Variants in PACSIN2 observed in about 807,000 individuals in gnomAD.
PACSIN2 encodes protein kinase C and casein kinase substrate in neurons protein 2.
In PACSIN2, 25 loss-of-function variants were observed where a neutral mutation model predicts 63.8. The observed-to-expected ratio is 0.39, with a 90% CI of 0.29 to 0.55. The LOEUF is 0.55. PACSIN2 is among the 20% of genes least tolerant of loss of function. The pLI, the probability that PACSIN2 is intolerant of heterozygous loss-of-function variation, is 0.62. For synonymous variants in PACSIN2, 255 were observed against 256.2 expected (o/e 1.00, Z 0.05); for missense variants, 518 against 646.9 (o/e 0.80, Z 2.16).
At chr22:42,982,885 AAAAAACAAC>A (rs936601175) in intron 1 of PACSIN2, among the ~76,000 whole-genome samples, 5 of 133,238 alleles carry the variant, frequency 3.8e-5, no homozygotes, top group East Asian at 4.5e-4. Context: ...AAAAAAAAAA[AAAAAACAAC>A]AACAAGGCTA....
chr22:42,977,496 G>GCATTTTTA (rs1921786129), intron 1 of PACSIN2, among the ~76,000 whole-genome samples: 1 of 152,172 alleles, frequency 6.6e-6, no homozygotes, highest in Non-Finnish European at 1.5e-5. Flanking sequence ...GTGAAAAACA[G>GCATTTTTA]TTTTTAGTTA....
In PACSIN2 at chr22:42,871,355, C is replaced by G; in HGVS notation, c.*2G>C. 6.2e-7 allele frequency: 1 copy of G among 1,605,258 alleles called. No individual in the cohort carries two copies. The highest frequency in any genetic ancestry group is 8.5e-7 in the Non-Finnish European group (1 of 1,171,742). ...TCCCCCCGCTGGCCTGTCCCCGACT[C>G]ATCACTGGATCGCCTCCACATAATT... On this transcript the variant is annotated 3_prime_UTR_variant, in exon 11 of 11. Coordinates refer to ENST00000263246, the MANE Select transcript of PACSIN2 (RefSeq NM_001184970.3). This position sits in a 1 kb window ranked among gnomAD's most constrained non-coding sequence, Gnocchi z 5.4.
At chr22:42,975,656 TAA>T (rs35638247) in intron 1 of PACSIN2, among the ~76,000 whole-genome samples, 6 of 136,752 alleles carry the variant, frequency 4.4e-5, no homozygotes, top group African/African-American at 1.1e-4. Flanking sequence ...CAATATTCTT[TAA>T]AAAAAAAAAA....
chr22:42,891,232 G>T (rs554997040), intron 3 of PACSIN2, 50 bp from the exon 4 acceptor site: 40 of 1,282,110 alleles, frequency 3.1e-5, no homozygotes, highest in Non-Finnish European at 4.2e-5. Context: ...CCATGGTGGG[G>T]TCTGCTCTGC....
At chr22:42,958,210 G>A (rs1246071317) in intron 1 of PACSIN2, among the ~76,000 whole-genome samples, 1 of 151,726 alleles carries the variant, frequency 6.6e-6, no homozygotes, top group Non-Finnish European at 1.5e-5. Context: ...AGACTCACTC[G>A]GCTACCAACG....
chr22:43,012,254 A>G (rs1924550262), intron 1 of PACSIN2, among the ~76,000 whole-genome samples: 1 of 149,462 alleles, frequency 6.7e-6, no homozygotes, highest in Non-Finnish European at 1.5e-5. Flanking sequence ...AATCCCAACT[A>G]CTGAGGAGGC....
chr22:42,898,202 C>T (rs369544015), intron 2 of PACSIN2, among the ~76,000 whole-genome samples: 2 of 151,976 alleles, frequency 1.3e-5, no homozygotes, highest in African/African-American at 4.8e-5. Flanking sequence ...GGCTCCCAGA[C>T]AGGTTTCTCT....
Position 42,887,619 on chromosome 22 carries a change from C to CA in PACSIN2, c.609+1023dup, listed in dbSNP as rs200468243. 7.2e-3 allele frequency among the ~76,000 whole-genome samples: 1,090 copies of CA among 152,290 alleles called. 9 individuals carry two copies. Among genetic ancestry groups the CA allele is most frequent in the Non-Finnish European group, 0.012 (788 of 68,014 alleles). ...GCAGGCCCTCGGCAATCACACCCCC[C>CA]AGCCCTCACCCCTCATGGCTGACCA... On this transcript the variant is annotated intron_variant, in intron 5 of 10. Transcript: ENST00000263246.
chr22:42,994,405 C>T (rs1241473026), intron 1 of PACSIN2, among the ~76,000 whole-genome samples: 2 of 152,212 alleles, frequency 1.3e-5, no homozygotes, highest in African/African-American at 4.8e-5. Flanking sequence ...GAATCCAGAG[C>T]CGTGTCCTGC....
intron 1 of PACSIN2, among the ~76,000 whole-genome samples, chr22:42,950,630 C>T (rs1933648548): frequency 6.6e-6 from 1 of 152,188 alleles, no homozygotes; most frequent in Non-Finnish European, 1.5e-5. Flanking sequence ...AGTTAGCTTA[C>T]AGTAACATTC....
At chr22:42,873,816 CAG>C (rs1416542793) in intron 10 of PACSIN2, among the ~76,000 whole-genome samples, 3 of 148,330 alleles carry the variant, frequency 2.0e-5, no homozygotes, top group Admixed American at 6.7e-5. Context: ...TTTTTTGAGA[CAG>C]AGTGTCACTC....
chr22:42,935,308 G>C (rs535681643), intron 1 of PACSIN2, among the ~76,000 whole-genome samples: 1 of 152,138 alleles, frequency 6.6e-6, no homozygotes, highest in Admixed American at 6.5e-5. Flanking sequence ...CCTCCTCCCT[G>C]TTTCCCTTTC....
At chr22:42,983,649 A>T (rs1922403109) in intron 1 of PACSIN2, among the ~76,000 whole-genome samples, 1 of 152,164 alleles carries the variant, frequency 6.6e-6, no homozygotes, top group Admixed American at 6.5e-5. Context: ...TTTTTAAGAG[A>T]TAGGGTCTTG....
chr22:42,944,381 T>C (rs769801529), intron 1 of PACSIN2, among the ~76,000 whole-genome samples: 9 of 152,166 alleles, frequency 5.9e-5, no homozygotes, highest in Non-Finnish European at 1.2e-4. Context: ...CTTTAAAATA[T>C]GGAAATAACT....
intron 1 of PACSIN2, among the ~76,000 whole-genome samples, chr22:42,942,100 C>CTTTT (rs11404921): frequency 1.5e-5 from 2 of 132,180 alleles, no homozygotes; most frequent in African/African-American, 2.8e-5. Context: ...TTTAAGAGTT[C>CTTTT]TTTTTTTTTT....
At position 42,912,069 on chromosome 22, in the gene PACSIN2, T is replaced by C. The variant is rs748432370; in HGVS notation, c.12A>G (p.Thr4=). The change falls in exon 2 of 11, where the codon ACA becomes ACG. Residue 4 remains threonine (T), a synonymous_variant. Coordinates refer to ENST00000263246, the MANE Select transcript of PACSIN2 (RefSeq NM_001184970.3). ...CTTCTACTCCAACGGAATCATCATATGTGACAGACATTTTTTCAAAGGCTG... is the reference window on the plus strand; with the variant it reads ...CTTCTACTCCAACGGAATCATCATACGTGACAGACATTTTTTCAAAGGCTG... The part of the protein sequence containing the change: MSV[T]YDDSVGVEVS... The C allele has an allele frequency of 6.3e-6, 10 of 1,599,044 alleles. No homozygotes were observed. In the Admixed American group the frequency reaches 1.4e-4, roughly 23 times the overall value.
chr22:42,978,291 C>T (rs1921846186), intron 1 of PACSIN2, among the ~76,000 whole-genome samples: 1 of 152,176 alleles, frequency 6.6e-6, no homozygotes, highest in African/African-American at 2.4e-5. Context: ...TTGTGGAAGG[C>T]TCTGCTACAA....
intron 10 of PACSIN2, among the ~76,000 whole-genome samples, chr22:42,875,918 C>T (rs1006354529): frequency 6.6e-6 from 1 of 152,200 alleles, no homozygotes; most frequent in Non-Finnish European, 1.5e-5. Context: ...AGCGATCCTT[C>T]CACCTCGGCC....
At position 42,899,879 on chromosome 22, in the gene PACSIN2, T is replaced by C. The variant is rs140521113; in HGVS notation, c.61-6266A>G. 4.6e-5 allele frequency among the ~76,000 whole-genome samples: 7 copies of C among 152,270 alleles called. No individual in the cohort carries two copies. The East Asian group carries it at 1.3e-3, about 29-fold the overall frequency. On this transcript the variant is annotated intron_variant, in intron 2 of 10. Coordinates refer to ENST00000263246, the MANE Select transcript of PACSIN2 (RefSeq NM_001184970.3). ...TGATGCCATTTACATCAATTAAGAA[T>C]ACGTGCACATGAAGTAGGGGTGCGA...
Sources: allele counts gnomAD v4.1 joint callset (sites outside exome capture counted in the v4.1 genomes callset), GRCh38; gene constraint gnomAD v4.1.1; non-coding constraint Gnocchi (gnomAD v3.1); transcripts MANE v1.5; gene names NCBI Gene and HGNC (gene_info 2026-07-23, HGNC 2026-07-21).